KIF15: variants seen among roughly 807,000 people sequenced by gnomAD.
KIF15 encodes the protein kinesin family member 15.
Under a neutral mutation model 190.6 loss-of-function variants are expected in KIF15, and 140 were observed. That is an observed-to-expected ratio of 0.73 (90% confidence interval 0.64 to 0.84). KIF15 has a LOEUF of 0.84. KIF15 is among the 40% of genes least tolerant of loss of function. The probability of loss-of-function intolerance (pLI) is 0.00; values close to 1 mark genes in which losing one functional copy is unlikely to be tolerated. For missense variants in KIF15, 1,372 were observed against 1,584.4 expected (o/e 0.87, Z 2.28); for synonymous variants, 528 against 551.3 (o/e 0.96, Z 0.59).
At chr3:44,855,011 A>T (rs1442760234), downstream of KIF15, among the ~76,000 whole-genome samples, 1 of 152,220 alleles carries the variant, frequency 6.6e-6, no homozygotes, top group Non-Finnish European at 1.5e-5. Flanking sequence ...AACATCACTC[A>T]TTGCAAGGAA....
chr3:44,829,390 G>A (rs1487184120), intron 24 of KIF15, among the ~76,000 whole-genome samples: 1 of 142,866 alleles, frequency 7.0e-6, no homozygotes, highest in African/African-American at 2.6e-5. Context: ...GTGTGTGTGT[G>A]TGTGTGTGTA....
intron 7 of KIF15, 73 bp downstream of exon 7, chr3:44,786,647 G>C: frequency 7.7e-7 from 1 of 1,303,012 alleles, no homozygotes; most frequent in Non-Finnish European, 1.0e-6. Flanking sequence ...ACTCCAAAAA[G>C]TGACAATTGA....
At chr3:44,786,792 A>T (rs1358118309) in intron 7 of KIF15, among the ~76,000 whole-genome samples, 1 of 152,180 alleles carries the variant, frequency 6.6e-6, no homozygotes, top group Non-Finnish European at 1.5e-5. Flanking sequence ...CAGAAATAAG[A>T]TGATACATTG....
intron 11 of KIF15, 29 bp downstream of exon 11, chr3:44,800,466 G>A: frequency 1.2e-6 from 2 of 1,602,698 alleles, no homozygotes. Context: ...CCTTTATCTT[G>A]GGGAAGACTG....
intron 11 of KIF15, 30 bp downstream of exon 11, chr3:44,800,467 G>A (rs1472170509): frequency 1.2e-6 from 2 of 1,602,508 alleles, no homozygotes; most frequent in Non-Finnish European, 1.7e-6. Context: ...CTTTATCTTG[G>A]GGAAGACTGT....
chr3:44,763,894 C>G (rs1705269176), intron 1 of KIF15, among the ~76,000 whole-genome samples: 1 of 151,772 alleles, frequency 6.6e-6, no homozygotes, highest in South Asian at 2.1e-4. Flanking sequence ...CACCATGTTG[C>G]CCAGGCTGGT....
intron 30 of KIF15, among the ~76,000 whole-genome samples, chr3:44,847,782 A>G (rs1048254232): frequency 2.0e-5 from 3 of 152,312 alleles, no homozygotes; most frequent in African/African-American, 7.2e-5. Context: ...AGGAATCCTG[A>G]GTTCTGGGGA....
At chr3:44,823,086 G>A (rs1202144316) in intron 20 of KIF15, among the ~76,000 whole-genome samples, 2 of 152,116 alleles carry the variant, frequency 1.3e-5, no homozygotes, top group East Asian at 3.9e-4. Flanking sequence ...GAGAAGAGGC[G>A]CTCTGGTTTT....
intron 20 of KIF15, among the ~76,000 whole-genome samples, chr3:44,815,411 G>A (rs933612735): frequency 2.6e-5 from 4 of 152,160 alleles, no homozygotes; most frequent in African/African-American, 9.7e-5. Context: ...AAAAACCCCT[G>A]TAAAGAAATT....
chr3:44,830,792 T>A, intron 25 of KIF15, 104 bp from the exon 26 acceptor site: 1 of 1,082,060 alleles, frequency 9.2e-7, no homozygotes. Flanking sequence ...TGAATTATCT[T>A]GTGTTAATCT....
chr3:44,791,294 T>G (rs1311802701), intron 7 of KIF15, among the ~76,000 whole-genome samples: 1 of 152,206 alleles, frequency 6.6e-6, no homozygotes, highest in Admixed American at 6.5e-5. Context: ...TATATCTAAC[T>G]GTATTCTGTT....
At chr3:44,825,558 A>G (rs1171434011) in intron 20 of KIF15, among the ~76,000 whole-genome samples, 8 of 152,230 alleles carry the variant, frequency 5.3e-5, no homozygotes, top group Non-Finnish European at 1.0e-4. Context: ...ATTATCTTCC[A>G]AAAACATTTT....
chr3:44,800,306 C>G lies in KIF15; in HGVS notation c.1099-8C>G. ...TATTTTAATGCTTTTTAAAAAATTC[C>G]TGAACAGGCAGTAGTAAATGAAGAC... is the stretch of plus-strand genomic sequence containing the variant. On this transcript the variant is annotated splice_region_variant and splice_polypyrimidine_tract_variant and intron_variant, in intron 10 of 34. Transcript: ENST00000326047. The G allele has an allele frequency of 6.2e-7, 1 of 1,612,826 alleles. No homozygotes were observed. Among genetic ancestry groups the G allele is most frequent in the Non-Finnish European group, 8.5e-7 (1 of 1,179,570 alleles).
chr3:44,865,018 C>G (rs185715755), intron 6 of KIF15: 1 of 1,613,352 alleles, frequency 6.2e-7, no homozygotes. Context: ...TTGAGTCCCT[C>G]ACAGCTATCT....
chr3:44,787,972 A>G (rs538988432), intron 7 of KIF15, among the ~76,000 whole-genome samples: 26 of 151,998 alleles, frequency 1.7e-4, no homozygotes, highest in Non-Finnish European at 3.5e-4. Context: ...CTCGTGCCTT[A>G]GCCTCCCAAG....
Position 44,826,422 on chromosome 3 carries a change from A to G in KIF15, c.2748A>G (p.Leu916=), listed in dbSNP as rs2125688733. Residue 916 remains leucine, a synonymous_variant, in exon 22 of 35, where the codon TTA becomes TTG. Transcript: ENST00000326047. ...CAGAAAAAGAACGCAATAACAAATTATCATTACAGTTTGAAGAAGATAAAG... is the reference window on the plus strand; with the variant it reads ...CAGAAAAAGAACGCAATAACAAATTGTCATTACAGTTTGAAGAAGATAAAG... ...LEAEKERNNK[L]SLQFEEDKEN... is the part of the protein sequence containing the mutation. 1 of 1,613,256 alleles carries G rather than the reference A, an allele frequency of 6.2e-7. No individual in the cohort carries two copies. The highest frequency in any genetic ancestry group is 1.1e-5 in the South Asian group (1 of 90,842).
intron 3 of KIF15, among the ~76,000 whole-genome samples, chr3:44,776,563 A>G (rs55814136): frequency 0.6 from 91,546 of 152,052 alleles, 28,099 homozygotes; most frequent in East Asian, 0.89. Flanking sequence ...TGGCTCATGC[A>G]TCTGAGGCAC....
chr3:44,778,427 C>T (rs1179298468), intron 4 of KIF15, among the ~76,000 whole-genome samples: 1 of 152,162 alleles, frequency 6.6e-6, no homozygotes, highest in African/African-American at 2.4e-5. Flanking sequence ...TTGCCTTTTT[C>T]AGCTGCTAGA....
At chr3:44,792,481 A>T (rs111788055) in intron 7 of KIF15, among the ~76,000 whole-genome samples, 8,542 of 152,202 alleles carry the variant, frequency 0.056, 246 homozygotes, top group Middle Eastern at 0.088. Flanking sequence ...CTTAAAAAAA[A>T]GAAAAAAGAT....
Sources: allele counts gnomAD v4.1 joint callset (sites outside exome capture counted in the v4.1 genomes callset), GRCh38; gene constraint gnomAD v4.1.1; transcripts MANE v1.5; gene names NCBI Gene and HGNC (gene_info 2026-07-23, HGNC 2026-07-21).